CFAP299: variants seen among roughly 807,000 people sequenced by gnomAD.
CFAP299 encodes cilia- and flagella-associated protein 299.
In CFAP299, 21 loss-of-function variants were observed where a neutral mutation model predicts 27.0. The observed-to-expected ratio is 0.78, with a 90% CI of 0.55 to 1.12. The LOEUF is 1.12. Ranked by LOEUF, CFAP299 falls within the 50% of genes most tolerant of loss-of-function variation. The probability of loss-of-function intolerance (pLI) is 0.00; values close to 1 mark genes in which losing one functional copy is unlikely to be tolerated. For synonymous variants in CFAP299, 104 were observed against 98.1 expected (o/e 1.06, Z -0.36); for missense variants, 310 against 276.6 (o/e 1.12, Z -0.86).
chr4:80,384,154 C>T (rs1163084249), intron 2 of CFAP299, among the ~76,000 whole-genome samples: 1 of 152,112 alleles, frequency 6.6e-6, no homozygotes, highest in Non-Finnish European at 1.5e-5. Flanking sequence ...CAATCTCCTC[C>T]TGCCCCTACA....
At chr4:80,328,922 T>C in the CFAP299 span, among the ~76,000 whole-genome samples, 2 of 152,290 alleles carry the variant, frequency 1.3e-5, no homozygotes, top group South Asian at 4.1e-4. Context: ...TCTTGCATTC[T>C]ATGGTATAGA....
chr4:80,388,510 C>A, intron 2 of CFAP299: 1 of 1,422,298 alleles, frequency 7.0e-7, no homozygotes, highest in Middle Eastern at 1.8e-4. Context: ...GCTTGTGGGT[C>A]ATAAACACTG....
At chr4:80,513,343 G>A (rs1049598157) in intron 2 of CFAP299, among the ~76,000 whole-genome samples, 16 of 152,082 alleles carry the variant, frequency 1.1e-4, no homozygotes, top group Non-Finnish European at 2.1e-4. Context: ...ACTTCTGGCT[G>A]GTCATTCTTA....
intron 2 of CFAP299, among the ~76,000 whole-genome samples, chr4:80,533,269 A>C (rs138123449): frequency 7.1e-4 from 108 of 152,370 alleles, no homozygotes; most frequent in South Asian, 2.7e-3. Context: ...TGAAGCTGTC[A>C]GTAGTTACCT....
At chr4:80,395,447 G>A (rs1725727674) in intron 2 of CFAP299, among the ~76,000 whole-genome samples, 1 of 152,046 alleles carries the variant, frequency 6.6e-6, no homozygotes, top group African/African-American at 2.4e-5. Context: ...ATATTGGATA[G>A]AAGTGGCAAG....
At chr4:80,615,122 C>G (rs1031188229) in intron 3 of CFAP299, among the ~76,000 whole-genome samples, 6 of 152,042 alleles carry the variant, frequency 3.9e-5, no homozygotes, top group African/African-American at 1.2e-4. Context: ...CTCTTTATGG[C>G]CCTCTATGCA....
intron 3 of CFAP299, among the ~76,000 whole-genome samples, chr4:80,744,884 A>G (rs924546667): frequency 1.3e-5 from 2 of 152,162 alleles, no homozygotes; most frequent in Non-Finnish European, 2.9e-5. Context: ...TATATATGAC[A>G]GCAAATCTTC....
intron 3 of CFAP299, among the ~76,000 whole-genome samples, chr4:80,620,394 C>T (rs937532185): frequency 2.6e-5 from 4 of 152,094 alleles, no homozygotes; most frequent in Admixed American, 6.6e-5. Flanking sequence ...AAGGGAATGA[C>T]CATGGAGTTG....
intron 2 of CFAP299, among the ~76,000 whole-genome samples, chr4:80,494,017 C>T (rs1731298616): frequency 6.6e-6 from 1 of 151,908 alleles, no homozygotes; most frequent in Non-Finnish European, 1.5e-5. Context: ...CCTCATGATC[C>T]ACCCGCCTCG....
intron 3 of CFAP299, among the ~76,000 whole-genome samples, chr4:80,667,738 T>C (rs926803837): frequency 6.6e-6 from 1 of 152,192 alleles, no homozygotes; most frequent in Non-Finnish European, 1.5e-5. Context: ...GGCACTTAGG[T>C]TGATTCTATA....
chr4:80,630,499 A>C (rs1237591930), intron 3 of CFAP299, among the ~76,000 whole-genome samples: 2 of 152,226 alleles, frequency 1.3e-5, no homozygotes, highest in South Asian at 4.1e-4. Flanking sequence ...CATTAATAAT[A>C]GTGTTTTTTT....
intron 4 of CFAP299, among the ~76,000 whole-genome samples, chr4:80,930,583 T>C (rs970551614): frequency 1.3e-5 from 2 of 152,222 alleles, no homozygotes; most frequent in Non-Finnish European, 2.9e-5. Context: ...AGCTGCAAAA[T>C]TGCTTGCTTG....
intron 3 of CFAP299, among the ~76,000 whole-genome samples, chr4:80,784,806 A>G (rs1727148145): frequency 6.6e-6 from 1 of 152,140 alleles, no homozygotes. Context: ...TACAGGCATG[A>G]GCCACCACTC....
At chr4:80,542,617 G>C (rs546603928) in intron 2 of CFAP299, among the ~76,000 whole-genome samples, 1 of 152,198 alleles carries the variant, frequency 6.6e-6, no homozygotes, top group African/African-American at 2.4e-5. Context: ...CGGGACCAGG[G>C]CAAGTCTGAT....
intron 3 of CFAP299, among the ~76,000 whole-genome samples, chr4:80,662,808 G>A (rs1377966743): frequency 1.3e-5 from 2 of 152,072 alleles, no homozygotes; most frequent in Non-Finnish European, 2.9e-5. Flanking sequence ...AGCTGGTCAG[G>A]GGCCAGCACT....
intron 3 of CFAP299, among the ~76,000 whole-genome samples, chr4:80,752,371 T>C (rs1724982290): frequency 6.7e-6 from 1 of 148,650 alleles, no homozygotes; most frequent in Non-Finnish European, 1.5e-5. Context: ...TTTTCTTTTA[T>C]TGTGTTTCAT....
At position 80,632,700 on chromosome 4, in the gene CFAP299, G is replaced by T. The variant is rs188450617; in HGVS notation, c.333+49517G>T. Among the ~76,000 whole-genome samples, 544 of 148,830 alleles carry T rather than the reference G, an allele frequency of 3.7e-3. 14 individuals are homozygous for T. Among genetic ancestry groups the T allele is most frequent in the Admixed American group, 0.033 (493 of 15,086 alleles). ...AAGGGAAATCTTTGCATGATGAGGT[G>T]CCTATTTTCAAGCTTTTTTTTTTTT... On this transcript the variant is annotated intron_variant, in intron 3 of 5. Coordinates refer to ENST00000358105, the MANE Select transcript of CFAP299 (RefSeq NM_152770.3).
intron 2 of CFAP299, among the ~76,000 whole-genome samples, chr4:80,522,779 G>A (rs574990452): frequency 6.0e-4 from 92 of 152,068 alleles, no homozygotes; most frequent in African/African-American, 2.1e-3. Flanking sequence ...TGTAGCCTTG[G>A]CAATCTTGTG....
chr4:80,910,785 A>G (rs944537339), intron 4 of CFAP299, among the ~76,000 whole-genome samples: 3 of 152,070 alleles, frequency 2.0e-5, no homozygotes, highest in African/African-American at 7.2e-5. Context: ...AAACCTGCAC[A>G]TGTACCCTGA....
Sources: gnomAD v4.1 joint callset for allele counts (sites outside exome capture counted in the v4.1 genomes callset) on GRCh38, gnomAD v4.1.1 for gene constraint, MANE v1.5 for transcripts, NCBI Gene and HGNC (gene_info 2026-07-23, HGNC 2026-07-21) for gene names.